The following TACC2 variants were observed in gnomAD, a reference collection of about 807,000 sequenced individuals.
TACC2 encodes transforming acidic coiled-coil containing protein 2.
Under a neutral mutation model 227.3 loss-of-function variants are expected in TACC2, and 137 were observed. The ratio of observed to expected loss-of-function variants is 0.60; its 90% CI spans 0.52 to 0.69. The LOEUF (loss-of-function observed/expected upper bound fraction) is 0.69, where lower values mean the gene tolerates loss of function less well. Ranked by LOEUF, TACC2 falls within the 30% of genes least tolerant of loss-of-function variation. The pLI is 0.00. For missense variants in TACC2, 3,470 were observed against 3,694.4 expected, an observed-to-expected ratio of 0.94 and a Z score of 1.57; for synonymous variants, 1,523 against 1,487.5, an observed-to-expected ratio of 1.02 and a Z score of -0.55.
chr10:122,004,267 G>A (rs1031011265), intron 1 of TACC2, among the ~76,000 whole-genome samples: 6 of 151,884 alleles, frequency 4.0e-5, no homozygotes, highest in Admixed American at 3.3e-4. Context: ...GTGTGGTGGT[G>A]GGCACCTGTA....
At chr10:122,055,138 T>C (rs1419529209) in intron 3 of TACC2, among the ~76,000 whole-genome samples, 1 of 152,046 alleles carries the variant, frequency 6.6e-6, no homozygotes, top group Admixed American at 6.5e-5. Flanking sequence ...GAGAATTGCT[T>C]GAACCCAGGA....
chr10:122,168,072 T>A (rs911662150), intron 7 of TACC2, among the ~76,000 whole-genome samples: 72 of 97,180 alleles, frequency 7.4e-4, no homozygotes, highest in Admixed American at 2.9e-3. Flanking sequence ...TTTTTTTTTT[T>A]AAATAATTTT....
At position 122,216,770 on chromosome 10, in the gene TACC2, G is replaced by T. The variant is rs35095099; in HGVS notation, c.7488G>T (p.Pro2496=). The T allele has an allele frequency of 6.2e-7, 1 of 1,614,046 alleles. No individual in the cohort carries two copies. Among genetic ancestry groups the T allele is most frequent in the Non-Finnish European group, 8.5e-7 (1 of 1,180,010 alleles). ...TAGAGGCTGACAAACAGGACTACCC[G>T]CAGCCCTCGGACCTGTCCACCTTTG... The part of the protein sequence containing the change: ...VDLEADKQDY[P]QPSDLSTFVN... Residue 2496 remains proline (P), a synonymous_variant, in exon 11 of 23, where the codon CCG becomes CCT. Transcript: ENST00000369005.
chr10:122,139,053 G>T lies in TACC2; in HGVS notation c.5700-4519G>T, dbSNP rs1051260097. ...GCTGCTGGTGATGACCAGGCGTGGGGATTCATAACTTGGACGATCCAAGCC... is the reference window on the plus strand; with the variant it reads ...GCTGCTGGTGATGACCAGGCGTGGGTATTCATAACTTGGACGATCCAAGCC... On this transcript the variant is annotated intron_variant, in intron 6 of 22. Transcript: ENST00000369005. Among the ~76,000 whole-genome samples the T allele has an allele frequency of 9.8e-5, 15 of 152,314 alleles. No homozygotes were observed. In the South Asian group the frequency reaches 3.1e-3, roughly 32 times the overall value.
At chr10:122,226,825 C>T (rs532860372) in intron 13 of TACC2, among the ~76,000 whole-genome samples, 1 of 152,296 alleles carries the variant, frequency 6.6e-6, no homozygotes, top group South Asian at 2.1e-4. Flanking sequence ...AAAGTGAAAT[C>T]CTTCAGCAGT....
At chr10:122,116,287 C>A (rs1304736637) in intron 5 of TACC2, among the ~76,000 whole-genome samples, 1 of 152,196 alleles carries the variant, frequency 6.6e-6, no homozygotes. Flanking sequence ...AGCTCTGTCC[C>A]CATCCCTCTG....
At chr10:122,145,564 A>C (rs1231345442) in intron 7 of TACC2, among the ~76,000 whole-genome samples, 1 of 152,218 alleles carries the variant, frequency 6.6e-6, no homozygotes, top group Non-Finnish European at 1.5e-5. Flanking sequence ...GGGGTGATGG[A>C]AATGTTCTGT....
At chr10:121,989,751 T>TTTG (rs1227048624) in intron 1 of TACC2, among the ~76,000 whole-genome samples, 4 of 109,260 alleles carry the variant, frequency 3.7e-5, no homozygotes, top group Admixed American at 1.1e-4. Context: ...TTAAATTAAT[T>TTTG]TTATTTTTTT....
At chr10:122,125,894 A>T (rs2086747539) in intron 5 of TACC2, among the ~76,000 whole-genome samples, 1 of 149,458 alleles carries the variant, frequency 6.7e-6, no homozygotes, top group African/African-American at 2.5e-5. Context: ...CTCCTGCCTC[A>T]GCCTCCCGAG....
At chr10:122,009,225 G>A (rs1305403820) in intron 1 of TACC2, among the ~76,000 whole-genome samples, 1 of 152,140 alleles carries the variant, frequency 6.6e-6, no homozygotes, top group Non-Finnish European at 1.5e-5. Flanking sequence ...TCTACCTTTT[G>A]TGTACATTTA....
chr10:122,230,041 T>G (rs919755206), intron 15 of TACC2, among the ~76,000 whole-genome samples: 1 of 151,934 alleles, frequency 6.6e-6, no homozygotes, highest in African/African-American at 2.4e-5. Context: ...AACTTTACCT[T>G]AAGAAAGAAA....
At chr10:122,225,258 G>T (rs918874904) in intron 12 of TACC2, among the ~76,000 whole-genome samples, 3 of 152,210 alleles carry the variant, frequency 2.0e-5, no homozygotes, top group East Asian at 1.9e-4. Context: ...TATTCCAAGG[G>T]TGACCTCTTG....
chr10:122,249,508 A>G (rs1564879038), intron 21 of TACC2, 36 bp from the exon 22 acceptor site: 1 of 1,607,832 alleles, frequency 6.2e-7, no homozygotes, highest in Non-Finnish European at 8.5e-7. Context: ...AGTGATCCAC[A>G]AAAGAGTGAT....
chr10:122,086,058 C>G lies in TACC2; in HGVS notation c.3558C>G (p.Pro1186=), dbSNP rs148462201. 6.2e-7 allele frequency: 1 copy of G among 1,613,700 alleles called. No homozygotes were observed. The highest frequency in any genetic ancestry group is 2.2e-5 in the East Asian group (1 of 44,876). ...GTGAGTCCTGCCAAGCTGAGCACCCCATGGCCAGCTGCCAGGATGCCTTGC... is the reference window on the plus strand; with the variant it reads ...GTGAGTCCTGCCAAGCTGAGCACCCGATGGCCAGCTGCCAGGATGCCTTGC... ...ALRESCQAEH[P]MASCQDALLP... The change falls in exon 4 of 23, where the codon CCC becomes CCG. Residue 1186 remains proline (P), a synonymous_variant. Coordinates refer to ENST00000369005, the MANE Select transcript of TACC2 (RefSeq NM_206862.4).
At chr10:122,166,101 C>T (rs905129284) in intron 7 of TACC2, among the ~76,000 whole-genome samples, 2 of 152,122 alleles carry the variant, frequency 1.3e-5, no homozygotes, top group Non-Finnish European at 2.9e-5. Context: ...AAGATGATGC[C>T]GTCAGGGCTG....
At chr10:122,073,546 G>A (rs1026908552) in intron 3 of TACC2, among the ~76,000 whole-genome samples, 2 of 152,180 alleles carry the variant, frequency 1.3e-5, no homozygotes, top group African/African-American at 4.8e-5. Flanking sequence ...GTAAGGCTGT[G>A]CTTTCCACAG....
chr10:122,143,506 G>A, intron 6 of TACC2, 66 bp from the exon 7 acceptor site: 2 of 1,563,176 alleles, frequency 1.3e-6, no homozygotes, highest in South Asian at 1.2e-5. Context: ...GGGTGAATGG[G>A]GCCTGATGAA....
chr10:122,078,122 G>A (rs767188350), intron 3 of TACC2, among the ~76,000 whole-genome samples: 1 of 149,348 alleles, frequency 6.7e-6, no homozygotes, highest in Non-Finnish European at 1.5e-5. Context: ...TTGAACTCAG[G>A]AGGTGGAGGT....
intron 2 of TACC2, among the ~76,000 whole-genome samples, chr10:122,047,574 C>G (rs566204915): frequency 6.6e-6 from 1 of 152,140 alleles, no homozygotes; most frequent in South Asian, 2.1e-4. Context: ...AACACTGCCC[C>G]GTGGAAGGGA....
Sources: gnomAD v4.1 joint callset for allele counts (sites outside exome capture counted in the v4.1 genomes callset) on GRCh38, gnomAD v4.1.1 for gene constraint, MANE v1.5 for transcripts, NCBI Gene and HGNC (gene_info 2026-07-23, HGNC 2026-07-21) for gene names.